The following ANKS6 variants were observed in gnomAD, a reference collection of about 807,000 sequenced individuals.
ANKS6 encodes the protein ankyrin repeat and sterile alpha motif domain containing 6, also known as ankyrin repeat and SAM domain-containing protein 6.
Under a neutral mutation model 77.9 loss-of-function variants are expected in ANKS6, and 47 were observed. The observed-to-expected ratio is 0.60, with a 90% CI of 0.48 to 0.77. The LOEUF is 0.77. Ranked by LOEUF, ANKS6 falls within the 30% of genes least tolerant of loss-of-function variation. The pLI, the probability that ANKS6 is intolerant of heterozygous loss-of-function variation, is 0.00. For synonymous variants in ANKS6, 488 were observed against 501.7 expected, an observed-to-expected ratio of 0.97 and a Z score of 0.37; for missense variants, 1,150 against 1,159.1, an observed-to-expected ratio of 0.99 and a Z score of 0.11.
Position 98,794,081 on chromosome 9 carries a change from C to T in ANKS6, c.359+2052G>A, listed in dbSNP as rs373235624. On this transcript the variant is annotated intron_variant, in intron 1 of 14. Coordinates refer to ENST00000353234, the MANE Select transcript of ANKS6 (RefSeq NM_173551.5). Reference sequence around the variant, plus strand: ...AGGAGAATCGCTTGAACCCAGGAGGCGGAGGTTGCAGTGAGTCGAGATCAC... The same window carrying T: ...AGGAGAATCGCTTGAACCCAGGAGGTGGAGGTTGCAGTGAGTCGAGATCAC... Among the ~76,000 whole-genome samples the T allele has an allele frequency of 2.4e-4, 33 of 134,800 alleles. 1 individual carries two copies. In the East Asian group the frequency reaches 4.2e-3, roughly 17 times the overall value. 88.4% of individuals were successfully genotyped at this position (134,800 alleles called of 152,430 possible). A position where few individuals can be genotyped will look rare whatever the true frequency, so the allele number is the denominator to read the frequency against.
rs115654826 is a variant in ANKS6 at position 98,759,715 on chromosome 9, T to C, written c.2143-3112A>G. 8.8e-3 allele frequency among the ~76,000 whole-genome samples: 1,346 copies of C among 152,256 alleles called. 20 individuals are homozygous for C. Among genetic ancestry groups the C allele is most frequent in the African/African-American group, 0.031 (1,274 of 41,526 alleles). On this transcript the variant is annotated intron_variant, in intron 11 of 14. Transcript: ENST00000353234. Reference sequence around the variant, plus strand: ...GCAACATGGATGGAACTGGAGGACATTATGTTAAGTGAAATAAGCCAAGAA... The same window carrying C: ...GCAACATGGATGGAACTGGAGGACACTATGTTAAGTGAAATAAGCCAAGAA...
intron 11 of ANKS6, among the ~76,000 whole-genome samples, chr9:98,766,324 C>A (rs1647887682): frequency 6.6e-6 from 1 of 151,980 alleles, no homozygotes; most frequent in African/African-American, 2.4e-5. Context: ...TTGGAAATGC[C>A]TTATTTCCAA....
At chr9:98,784,810 A>G in intron 3 of ANKS6, 22 bp downstream of exon 3, 2 of 1,608,538 alleles carry the variant, frequency 1.2e-6, no homozygotes, top group Non-Finnish European at 1.7e-6. Flanking sequence ...AAATATCCAA[A>G]AAGATTTTCT....
intron 14 of ANKS6, among the ~76,000 whole-genome samples, chr9:98,744,276 AC>A (rs1384495505): frequency 6.6e-6 from 1 of 152,200 alleles, no homozygotes; most frequent in Non-Finnish European, 1.5e-5. Flanking sequence ...AATAAGAATG[AC>A]GACAGTGACA....
chr9:98,783,808 T>C (rs1834408401), intron 4 of ANKS6, 145 bp downstream of exon 4: 1 of 670,542 alleles, frequency 1.5e-6, no homozygotes, highest in Non-Finnish European at 2.1e-6. Flanking sequence ...TGCCGCTTTT[T>C]TTTTTTTTTT....
intron 12 of ANKS6, among the ~76,000 whole-genome samples, chr9:98,754,911 C>T (rs1360635364): frequency 3.9e-5 from 6 of 152,112 alleles, no homozygotes; most frequent in Non-Finnish European, 5.9e-5. Context: ...ACTGTCTCCA[C>T]TCTTTTTTGG....
Position 98,732,281 on chromosome 9 carries a change from T to C in ANKS6, c.*4238A>G. 1.6e-6 allele frequency: 1 copy of C among 609,554 alleles called. No homozygotes were observed. Among genetic ancestry groups the C allele is most frequent in the African/African-American group, 1.9e-5 (1 of 53,962 alleles). 37.8% of individuals were successfully genotyped at this position (609,554 alleles called of 1,614,324 possible). A position where few individuals can be genotyped will look rare whatever the true frequency, so the allele number is the denominator to read the frequency against. On this transcript the variant is annotated 3_prime_UTR_variant, in exon 15 of 15. Transcript: ENST00000353234. Reference sequence around the variant, plus strand: ...TCCAGCCTCCGGCCTGGCCCATGTCTTCAGGCAGCTCTGAGGCAAGAATAA... The same window carrying C: ...TCCAGCCTCCGGCCTGGCCCATGTCCTCAGGCAGCTCTGAGGCAAGAATAA...
rs554677681 is a variant in ANKS6 at position 98,734,965 on chromosome 9, G to A, written c.*1554C>T. 2.1e-5 allele frequency: 21 copies of A among 985,382 alleles called. No individual in the cohort carries two copies. Among genetic ancestry groups the A allele is most frequent in the African/African-American group, 7.0e-5 (4 of 57,320 alleles). The allele number at this position is 985,382 out of a possible 1,614,324, so 61.0% of individuals were successfully genotyped here. A position where few individuals can be genotyped will look rare whatever the true frequency, so the allele number is the denominator to read the frequency against. On this transcript the variant is annotated 3_prime_UTR_variant, in exon 15 of 15. Transcript: ENST00000353234. ...CATCAGGGCAGGGGAAGAAAACTAC[G>A]AGGCTCTGGGCAGTAAGTTAACGAC...
chr9:98,747,331 C>A (rs1832192609), intron 13 of ANKS6, among the ~76,000 whole-genome samples: 1 of 148,722 alleles, frequency 6.7e-6, no homozygotes, highest in African/African-American at 2.5e-5. Context: ...TGAAATTTTC[C>A]CCGCCCCCAC....
At position 98,790,261 on chromosome 9, in the gene ANKS6, A is replaced by C. The variant is rs746196897; in HGVS notation, c.705T>G (p.Thr235=). The change falls in exon 2 of 15, where the codon ACT becomes ACG. Residue 235 remains threonine, a synonymous_variant. Coordinates refer to ENST00000353234, the MANE Select transcript of ANKS6 (RefSeq NM_173551.5). ...GCTGCTGGGCCACTCCAAGCCGCCC[A>C]GTGAGTGCGGCCAGCATCAGCGGGC... ...GWSPLMLAAL[T]GRLGVAQQLV... The C allele has an allele frequency of 6.2e-5, 100 of 1,605,084 alleles. 1 individual carries two copies. The East Asian group carries it at 2.2e-3, about 36-fold the overall frequency.
rs1831405485 is a variant in ANKS6 at position 98,734,842 on chromosome 9, A to G, written c.*1677T>C. 1 of 985,492 alleles carries G rather than the reference A, an allele frequency of 1.0e-6. No homozygotes were observed. The highest frequency in any genetic ancestry group is 1.2e-6 in the Non-Finnish European group (1 of 829,942). The allele number at this position is 985,492 out of a possible 1,614,324, so 61.0% of individuals were successfully genotyped here. On this transcript the variant is annotated 3_prime_UTR_variant, in exon 15 of 15. Coordinates refer to ENST00000353234, the MANE Select transcript of ANKS6 (RefSeq NM_173551.5). Reference sequence around the variant, plus strand: ...ATTAGTAACCTTTGTAAAGGTGTCTATCAGTAACAGCTAAATGAAACACTT... The same window carrying G: ...ATTAGTAACCTTTGTAAAGGTGTCTGTCAGTAACAGCTAAATGAAACACTT...
chr9:98,786,159 A>G (rs1417059663), intron 2 of ANKS6, among the ~76,000 whole-genome samples: 3 of 152,042 alleles, frequency 2.0e-5, no homozygotes, highest in Non-Finnish European at 2.9e-5. Context: ...TTGTATTTTT[A>G]GTAGAGACGG....
In ANKS6 at chr9:98,735,062, C is replaced by T. The variant is rs1831421745; in HGVS notation, c.*1457G>A. On this transcript the variant is annotated 3_prime_UTR_variant, in exon 15 of 15. Transcript: ENST00000353234. ...AGGGACAGATGAGAGATGGCACCTC[C>T]CAAGGAGACCAACTTGTGGCTCAGC... 1.0e-6 allele frequency: 1 copy of T among 985,366 alleles called. No homozygotes were observed. The highest frequency in any genetic ancestry group is 1.7e-5 in the African/African-American group (1 of 57,334). 61.0% of individuals were successfully genotyped at this position (985,366 alleles called of 1,614,324 possible). A position where few individuals can be genotyped will look rare whatever the true frequency, so the allele number is the denominator to read the frequency against.
At chr9:98,750,706 A>G (rs1832380418) in intron 13 of ANKS6, among the ~76,000 whole-genome samples, 1 of 152,210 alleles carries the variant, frequency 6.6e-6, no homozygotes. Context: ...CAGGTTCCTT[A>G]GGGTTTACTA....
chr9:98,784,752 G>C, intron 3 of ANKS6, 80 bp downstream of exon 3: 1 of 1,375,900 alleles, frequency 7.3e-7, no homozygotes, highest in Admixed American at 1.9e-5. Context: ...GGGTGGCCCT[G>C]CAAAGGACTA....
chr9:98,771,912 T>C (rs1035291574), intron 9 of ANKS6, among the ~76,000 whole-genome samples: 12 of 152,194 alleles, frequency 7.9e-5, no homozygotes, highest in Non-Finnish European at 4.4e-5. Context: ...AGTGTACATT[T>C]ACTGCGGTTG....
At chr9:98,759,894 G>A (rs1192151241) in intron 11 of ANKS6, among the ~76,000 whole-genome samples, 1 of 152,096 alleles carries the variant, frequency 6.6e-6, no homozygotes, top group Non-Finnish European at 1.5e-5. Flanking sequence ...CTAGATAGGA[G>A]GAATAAGTTC....
At position 98,783,983 on chromosome 9, in the gene ANKS6, C is replaced by A; in HGVS notation, c.1082G>T (p.Trp361Leu). 6.2e-7 allele frequency: 1 copy of A among 1,603,970 alleles called. No homozygotes were observed. Reference protein sequence around the residue: ...DVDKQDSVHGWTALMQATYHG... With the variant: ...DVDKQDSVHGLTALMQATYHG... Reference sequence around the variant, plus strand: ...GTAGGTTGCCTGCATGAGGGCCGTCCAGCCATGCACGCTGTCCTGCTTGTC... The same window carrying A: ...GTAGGTTGCCTGCATGAGGGCCGTCAAGCCATGCACGCTGTCCTGCTTGTC... The change falls in exon 4 of 15, where the codon TGG (tryptophan) becomes TTG (leucine). Residue 361 changes from tryptophan (W) to leucine (L), a missense_variant. Physicochemically the swap from Trp to Leu is moderately conservative, Grantham distance 61. Transcript: ENST00000353234.
intron 11 of ANKS6, among the ~76,000 whole-genome samples, chr9:98,767,646 T>C (rs984966935): frequency 3.3e-5 from 5 of 152,226 alleles, no homozygotes; most frequent in African/African-American, 1.2e-4. Flanking sequence ...CTAAGAACGC[T>C]GTCAACAGGA....
Sources: gnomAD v4.1 joint callset for allele counts (sites outside exome capture counted in the v4.1 genomes callset) on GRCh38, gnomAD v4.1.1 for gene constraint, MANE v1.5 for transcripts, NCBI Gene and HGNC (gene_info 2026-07-23, HGNC 2026-07-21) for gene names.